Variants in TAPT1 observed in about 807,000 individuals in gnomAD.
TAPT1 encodes the protein transmembrane anterior posterior transformation protein 1 homolog.
A neutral mutation model predicts 65.6 loss-of-function variants in TAPT1; 28 were observed. The observed-to-expected ratio is 0.43, with a 90% confidence interval of 0.32 to 0.59. TAPT1 has a LOEUF of 0.59. Ranked by LOEUF, TAPT1 falls within the 20% of genes least tolerant of loss-of-function variation. The pLI is 0.09. For synonymous variants in TAPT1, 278 were observed against 245.2 expected (o/e 1.13, Z -1.25); for missense variants, 563 against 679.9 (o/e 0.83, Z 1.91).
Position 16,179,674 on chromosome 4 carries a change from C to T in TAPT1, c.917-17G>A. 4 of 1,368,392 alleles carry T rather than the reference C, an allele frequency of 2.9e-6. No homozygotes were observed. The highest frequency in any genetic ancestry group is 4.0e-6 in the Non-Finnish European group (4 of 995,748). 84.8% of individuals were successfully genotyped at this position (1,368,392 alleles called of 1,614,324 possible). On this transcript the variant is annotated splice_polypyrimidine_tract_variant and intron_variant, in intron 7 of 13. Coordinates refer to ENST00000405303, the MANE Select transcript of TAPT1 (RefSeq NM_153365.3). Reference sequence around the variant, plus strand: ...CCTTAATATCTAAAAGAAAAAAAATCAACATAAGTACTGTAGTGTATATAA... The same window carrying T: ...CCTTAATATCTAAAAGAAAAAAAATTAACATAAGTACTGTAGTGTATATAA...
In TAPT1 at chr4:16,162,929, C is replaced by T. The variant is rs1425007830; in HGVS notation, c.*379G>A. ...AGATTACGTCGTGGTAAAAGTTTCA[C>T]AGTTTTCCAGGTATTTCCTTATACT... On this transcript the variant is annotated 3_prime_UTR_variant, in exon 14 of 14. Coordinates refer to ENST00000405303, the MANE Select transcript of TAPT1 (RefSeq NM_153365.3). The T allele has an allele frequency of 2.3e-6, 1 of 436,678 alleles. No individual in the cohort carries two copies. The highest frequency in any genetic ancestry group is 7.1e-5 in the East Asian group (1 of 14,056). 27.1% of individuals were successfully genotyped at this position (436,678 alleles called of 1,614,324 possible).
chr4:16,202,811 C>T (rs1028853281), intron 2 of TAPT1, among the ~76,000 whole-genome samples: 6 of 152,142 alleles, frequency 3.9e-5, no homozygotes, highest in Non-Finnish European at 8.8e-5. Flanking sequence ...TTGCCCTTGA[C>T]CATAGTTAAT....
chr4:16,212,350 CCACTTCCCCTGCACTGTGTCCTCA>C (rs1315512308), intron 2 of TAPT1, among the ~76,000 whole-genome samples: 10 of 152,230 alleles, frequency 6.6e-5, no homozygotes, highest in Admixed American at 6.5e-4. Flanking sequence ...GCTGTCCTTC[CCACTTCCCCTGCACTGTGTCCTCA>C]CACTTCCATC....
intron 1 of TAPT1, chr4:16,214,690 C>A (rs1750834185): frequency 6.6e-6 from 1 of 152,246 alleles, no homozygotes; most frequent in Admixed American, 6.5e-5. Context: ...CATTACACTT[C>A]CCTGATAGCC....
chr4:16,168,700 A>G (rs1042083336), intron 12 of TAPT1, among the ~76,000 whole-genome samples: 9 of 152,200 alleles, frequency 5.9e-5, no homozygotes, highest in East Asian at 1.9e-4. Context: ...CCAACTGTCA[A>G]TAGAGTGACT....
chr4:16,208,706 T>G (rs1429402566), intron 2 of TAPT1, among the ~76,000 whole-genome samples: 1 of 152,240 alleles, frequency 6.6e-6, no homozygotes, highest in Non-Finnish European at 1.5e-5. Flanking sequence ...TCTTCTAGAT[T>G]TGTTGAAAAA....
intron 1 of TAPT1, among the ~76,000 whole-genome samples, chr4:16,216,787 T>C (rs1750965240): frequency 6.6e-6 from 1 of 152,148 alleles, no homozygotes; most frequent in South Asian, 2.1e-4. Flanking sequence ...ATTCTTCCCA[T>C]CTTTCCTCCC....
chr4:16,200,888 G>T (rs1749989086), intron 3 of TAPT1, among the ~76,000 whole-genome samples: 2 of 152,204 alleles, frequency 1.3e-5, no homozygotes, highest in Admixed American at 6.5e-5. Flanking sequence ...TTAATAATAA[G>T]GCCTTCTTAA....
chr4:16,200,413 C>G (rs564071592), intron 3 of TAPT1, among the ~76,000 whole-genome samples: 133 of 152,296 alleles, frequency 8.7e-4, no homozygotes, highest in Non-Finnish European at 1.2e-3. Context: ...GCCTTGACTT[C>G]TCAGGGTCAA....
chr4:16,180,843 C>A (rs1040272896), intron 7 of TAPT1, among the ~76,000 whole-genome samples: 1 of 152,176 alleles, frequency 6.6e-6, no homozygotes, highest in Non-Finnish European at 1.5e-5. Context: ...CCTTCACTCC[C>A]TCAAAGCCCA....
At chr4:16,218,245 A>T (rs541477213) in intron 1 of TAPT1, among the ~76,000 whole-genome samples, 7 of 152,302 alleles carry the variant, frequency 4.6e-5, no homozygotes, top group African/African-American at 1.7e-4. Context: ...CTCTACTAAA[A>T]ATACAAAAAA....
intron 1 of TAPT1, among the ~76,000 whole-genome samples, chr4:16,222,646 T>C (rs1007609835): frequency 2.0e-5 from 3 of 152,204 alleles, no homozygotes; most frequent in Non-Finnish European, 1.5e-5. Flanking sequence ...ACATAGGTAA[T>C]ATGAATAGTT....
chr4:16,171,360 G>T (rs1560152348), intron 11 of TAPT1, among the ~76,000 whole-genome samples: 1 of 152,086 alleles, frequency 6.6e-6, no homozygotes, highest in African/African-American at 2.4e-5. Context: ...TTCTTTCACA[G>T]AAATAAAGGA....
chr4:16,166,414 T>A (rs1413580567), intron 13 of TAPT1, among the ~76,000 whole-genome samples: 1 of 152,246 alleles, frequency 6.6e-6, no homozygotes, highest in African/African-American at 2.4e-5. Context: ...GGAGCTGATG[T>A]GTCGCAGATG....
chr4:16,223,979 C>G (rs1334080055), intron 1 of TAPT1, among the ~76,000 whole-genome samples: 1 of 152,042 alleles, frequency 6.6e-6, no homozygotes, highest in Non-Finnish European at 1.5e-5. Flanking sequence ...GCCACCAAGA[C>G]ACTAAGATTA....
chr4:16,223,153 GCA>G (rs1751351967), intron 1 of TAPT1, among the ~76,000 whole-genome samples: 1 of 152,156 alleles, frequency 6.6e-6, no homozygotes, highest in Non-Finnish European at 1.5e-5. Flanking sequence ...GTCTAAGCAA[GCA>G]CAGAGTTTAC....
chr4:16,202,826 C>T (rs962064847), intron 2 of TAPT1, among the ~76,000 whole-genome samples: 2 of 152,172 alleles, frequency 1.3e-5, no homozygotes, highest in African/African-American at 4.8e-5. Flanking sequence ...GTTAATGGCA[C>T]ATCATCTGAT....
In TAPT1 at chr4:16,213,980, T is replaced by C. The variant is rs1211578135; in HGVS notation, c.200-82A>G. 28 of 1,242,920 alleles carry C rather than the reference T, an allele frequency of 2.3e-5. No individual in the cohort carries two copies. In the Admixed American group the frequency reaches 7.6e-4, roughly 34 times the overall value. The allele number at this position is 1,242,920 out of a possible 1,614,324, so 77.0% of individuals were successfully genotyped here. ...ACGCTAGCTGGGGCCACAGGTAATA[T>C]ACATATAAAACAAAGAGACCAAAAT... On this transcript the variant is annotated intron_variant, in intron 1 of 13. Transcript: ENST00000405303.
At chr4:16,179,797 TA>T (rs1748596106) in intron 7 of TAPT1, 140 bp from the exon 8 acceptor site, 7 of 408,832 alleles carry the variant, frequency 1.7e-5, no homozygotes, top group Non-Finnish European at 3.0e-5. Flanking sequence ...TTTATATATA[TA>T]TATATGTGTG....
Sources: allele counts gnomAD v4.1 joint callset (sites outside exome capture counted in the v4.1 genomes callset), GRCh38; gene constraint gnomAD v4.1.1; transcripts MANE v1.5; gene names NCBI Gene and HGNC (gene_info 2026-07-23, HGNC 2026-07-21).